Variants in LRRK1 observed in about 807,000 individuals in gnomAD.
The protein encoded by LRRK1 is leucine rich repeat kinase 1.
Under a neutral mutation model 209.1 loss-of-function variants are expected in LRRK1, and 113 were observed. That is an observed-to-expected ratio of 0.54 (90% CI 0.46 to 0.63). LRRK1 has a LOEUF of 0.63. Ranked by LOEUF, LRRK1 falls within the 30% of genes least tolerant of loss-of-function variation. The pLI is 0.00. For missense variants in LRRK1, 2,284 were observed against 2,632.2 expected (o/e 0.87, Z 2.89); for synonymous variants, 1,144 against 1,099.7 (o/e 1.04, Z -0.80).
At chr15:100,940,438 C>T (rs2042378999) in intron 2 of LRRK1, among the ~76,000 whole-genome samples, 2 of 152,178 alleles carry the variant, frequency 1.3e-5, no homozygotes, top group South Asian at 2.1e-4. Context: ...CAATGTCTCT[C>T]ACTCTTTTAT....
intron 3 of LRRK1, among the ~76,000 whole-genome samples, chr15:100,981,987 G>T (rs1237874423): frequency 1.3e-5 from 2 of 152,230 alleles, no homozygotes; most frequent in Non-Finnish European, 2.9e-5. Flanking sequence ...GCCAGAAATG[G>T]CCCCTGGCAT....
In LRRK1 at chr15:101,024,422, A is replaced by G. The variant is rs924409333; in HGVS notation, c.2068-381A>G. Among the ~76,000 whole-genome samples the G allele has an allele frequency of 1.3e-5, 2 of 152,064 alleles. No homozygotes were observed. The highest frequency in any genetic ancestry group is 4.8e-5 in the African/African-American group (2 of 41,388). ...CTGAGCCCCACAAGTTCAGAGGCCC[A>G]TCTCCTCCTCTTGCCCTGGCACACA... On this transcript the variant is annotated intron_variant, in intron 15 of 33. Transcript: ENST00000388948. The surrounding 1 kb of genome is among the most constrained non-coding windows in gnomAD (Gnocchi z 4.6).
intron 23 of LRRK1, among the ~76,000 whole-genome samples, chr15:101,051,047 C>T (rs1207199390): frequency 1.3e-5 from 2 of 152,206 alleles, no homozygotes; most frequent in Non-Finnish European, 2.9e-5. Flanking sequence ...CATCCCCAGC[C>T]AGGGGCCCCT....
At chr15:100,975,143 G>A (rs1335900019) in intron 3 of LRRK1, among the ~76,000 whole-genome samples, 1 of 152,254 alleles carries the variant, frequency 6.6e-6, no homozygotes, top group Non-Finnish European at 1.5e-5. Flanking sequence ...AGAGAGAGCT[G>A]CGCTGTGCAC....
intron 6 of LRRK1, among the ~76,000 whole-genome samples, chr15:100,994,822 C>A (rs569720337): frequency 6.6e-6 from 1 of 152,266 alleles, no homozygotes; most frequent in Admixed American, 6.5e-5. Context: ...CACATTCCTT[C>A]GGTGCTGCTG....
Position 101,027,351 on chromosome 15 carries a change from C to G in LRRK1, c.2496C>G (p.Thr832=). ...GCAGCATGAAGGACGTGGGCAGCAC[C>G]ATCGGCTGCCAGCGACTGGCAGGGC... ...VTCSMKDVGS[T]IGCQRLAGRL... is the part of the protein sequence containing the mutation. Residue 832 remains threonine, a synonymous_variant, in exon 18 of 34, where the codon ACC becomes ACG. Coordinates refer to ENST00000388948, the MANE Select transcript of LRRK1 (RefSeq NM_024652.6). The surrounding 1 kb of genome is among the most constrained non-coding windows in gnomAD (Gnocchi z 5.1). 1 of 1,613,872 alleles carries G rather than the reference C, an allele frequency of 6.2e-7. No individual in the cohort carries two copies. The highest frequency in any genetic ancestry group is 8.5e-7 in the Non-Finnish European group (1 of 1,180,004).
rs115588882 is a variant in LRRK1, at chr15:100,974,297, T to C, written c.261+330T>C. 8.7e-3 allele frequency: 2,132 copies of C among 244,252 alleles called. 50 individuals carry two copies. Among genetic ancestry groups the C allele is most frequent in the African/African-American group, 0.044 (1,990 of 44,894 alleles). 15.1% of individuals were successfully genotyped at this position (244,252 alleles called of 1,614,324 possible). A position where few individuals can be genotyped will look rare whatever the true frequency, so the allele number is the denominator to read the frequency against. On this transcript the variant is annotated intron_variant, in intron 3 of 33. Transcript: ENST00000388948. ...TTTTGTCGTTATAAAAAGTAGCACA[T>C]GCTGGAAAAATAAAATTTAGAAAAT...
At chr15:100,952,040 T>C (rs570890152) in intron 2 of LRRK1, among the ~76,000 whole-genome samples, 70 of 151,830 alleles carry the variant, frequency 4.6e-4, no homozygotes, top group African/African-American at 1.7e-3. Context: ...CATGAATAAG[T>C]CTTGAAAACA....
intron 27 of LRRK1, among the ~76,000 whole-genome samples, chr15:101,055,437 T>G (rs189308694): frequency 4.9e-4 from 74 of 152,164 alleles, no homozygotes; most frequent in Non-Finnish European, 9.1e-4. Flanking sequence ...TGACTTCTCC[T>G]TAGCATCAGC....
chr15:101,010,483 G>T lies in LRRK1; in HGVS notation c.1023G>T (p.Leu341Phe). 6.2e-7 allele frequency: 1 copy of T among 1,611,976 alleles called. No homozygotes were observed. The highest frequency in any genetic ancestry group is 8.5e-7 in the Non-Finnish European group (1 of 1,179,532). The change falls in exon 8 of 34, where the codon TTG (leucine) becomes TTT (phenylalanine). Residue 341 changes from leucine (L) to phenylalanine (F), a missense_variant. Leu to Phe is a conservative substitution (Grantham distance 22). Coordinates refer to ENST00000388948, the MANE Select transcript of LRRK1 (RefSeq NM_024652.6). ...AAATTGACATTTCCAGCAACAAGTTGTCCCACCTCCCTCCTGGATTCTTGC... is the reference window on the plus strand; with the variant it reads ...AAATTGACATTTCCAGCAACAAGTTTTCCCACCTCCCTCCTGGATTCTTGC... ...LLEIDISSNK[L>F]SHLPPGFLHL...
intron 12 of LRRK1, among the ~76,000 whole-genome samples, chr15:101,016,816 C>T (rs1013676380): frequency 4.6e-5 from 7 of 152,186 alleles, no homozygotes; most frequent in African/African-American, 1.2e-4. Flanking sequence ...GGATCACGGC[C>T]GCCTTTGGAC....
chr15:101,028,440 C>T (rs1481142324), intron 19 of LRRK1, among the ~76,000 whole-genome samples: 1 of 152,220 alleles, frequency 6.6e-6, no homozygotes, highest in Non-Finnish European at 1.5e-5. Flanking sequence ...TTCAGCACTT[C>T]ACTAGGGACC....
At position 101,051,006 on chromosome 15, in the gene LRRK1, T is replaced by G. The variant is rs2035398008; in HGVS notation, c.3440-705T>G. Reference sequence around the variant, plus strand: ...TCACCTGAGATGGAAAGGGCTCTGGTGAGCACCTGAGACAGATCGCCTGGA... The same window carrying G: ...TCACCTGAGATGGAAAGGGCTCTGGGGAGCACCTGAGACAGATCGCCTGGA... On this transcript the variant is annotated intron_variant, in intron 23 of 33. Coordinates refer to ENST00000388948, the MANE Select transcript of LRRK1 (RefSeq NM_024652.6). 2.6e-5 allele frequency among the ~76,000 whole-genome samples: 4 copies of G among 152,306 alleles called. No homozygotes were observed. In the South Asian group the frequency reaches 8.3e-4, roughly 32 times the overall value.
chr15:101,061,355 G>A (rs2036168322), intron 30 of LRRK1, 67 bp downstream of exon 30: 2 of 1,127,488 alleles, frequency 1.8e-6, no homozygotes, highest in Non-Finnish European at 2.7e-6. Context: ...CCTGGGTGGG[G>A]GCCACATTCA....
chr15:101,014,403 G>A lies in LRRK1; in HGVS notation c.1507G>A (p.Asp503Asn). The change falls in exon 11 of 34, where the codon GAT becomes AAT. Residue 503 changes from aspartate (D) to asparagine (N), a missense_variant. Transcript: ENST00000388948. The part of the protein sequence containing the change: ...KWTCRQLKTL[D>N]LSRNQLGKNE... ...GACCTGCAGGCAGCTCAAAACCCTGGATCTCTCCAGAAACCAACTTGGCAA... is the reference window on the plus strand; with the variant it reads ...GACCTGCAGGCAGCTCAAAACCCTGAATCTCTCCAGAAACCAACTTGGCAA... The A allele has an allele frequency of 1.2e-6, 2 of 1,613,812 alleles. No individual in the cohort carries two copies. Among genetic ancestry groups the A allele is most frequent in the Non-Finnish European group, 1.7e-6 (2 of 1,179,820 alleles).
At chr15:101,066,503 C>T (rs2036537496) in intron 32 of LRRK1, 137 bp from the exon 33 acceptor site, 4 of 843,904 alleles carry the variant, frequency 4.7e-6, no homozygotes, top group African/African-American at 1.7e-5. Flanking sequence ...AAGTCTGTCC[C>T]CTCCCCATAA....
intron 2 of LRRK1, among the ~76,000 whole-genome samples, chr15:100,953,548 A>G (rs961269390): frequency 1.3e-5 from 2 of 151,508 alleles, no homozygotes; most frequent in Non-Finnish European, 2.9e-5. Flanking sequence ...ACATATGTAT[A>G]TGTATATAAG....
At chr15:101,021,629 A>C (rs1171722747) in intron 13 of LRRK1, 1 of 552,756 alleles carries the variant, frequency 1.8e-6, no homozygotes, top group Non-Finnish European at 3.2e-6. Context: ...ACTCAATTCT[A>C]AGCCGTGGGG....
chr15:100,927,680 C>T (rs1385710555), intron 2 of LRRK1, among the ~76,000 whole-genome samples: 1 of 152,056 alleles, frequency 6.6e-6, no homozygotes, highest in African/African-American at 2.4e-5. Context: ...AAGTTCTGTC[C>T]CCTGTTTAGC....
Sources: gnomAD v4.1 joint callset for allele counts (sites outside exome capture counted in the v4.1 genomes callset) on GRCh38, gnomAD v4.1.1 for gene constraint, Gnocchi (gnomAD v3.1) non-coding constraint, MANE v1.5 for transcripts, NCBI Gene and HGNC (gene_info 2026-07-23, HGNC 2026-07-21) for gene names.